The following SEPTIN10 variants were observed in gnomAD, a reference collection of about 807,000 sequenced individuals.
The protein encoded by SEPTIN10 is septin 10, also known as septin-10.
SEPTIN10 carries 66 observed loss-of-function variants against 54.8 expected under a neutral mutation model. The observed-to-expected ratio is 1.21, with a 90% CI of 0.99 to 1.48. SEPTIN10 has a LOEUF of 1.48. Among genes scored for constraint, SEPTIN10 ranks in the 40% most tolerant of loss-of-function variants. SEPTIN10 has a pLI of 0.00. For missense variants in SEPTIN10, 620 were observed against 545.6 expected, an observed-to-expected ratio of 1.14 and a Z score of -1.36; for synonymous variants, 161 against 181.0, an observed-to-expected ratio of 0.89 and a Z score of 0.89.
chr2:109,588,952 AAGAAGAAAATGAAAGGACAATGGCAC>A (rs1190316203), intron 2 of SEPTIN10, among the ~76,000 whole-genome samples: 5 of 152,248 alleles, frequency 3.3e-5, no homozygotes, highest in African/African-American at 1.2e-4. Flanking sequence ...GAAGGTAGGA[AAGAAGAAAATGAAAGGACAATGGCAC>A]ATATAGAAAA....
chr2:109,563,703 CAATCT>C (rs1686232756), intron 8 of SEPTIN10, among the ~76,000 whole-genome samples: 1 of 152,190 alleles, frequency 6.6e-6, no homozygotes, highest in African/African-American at 2.4e-5. Context: ...TGGCAAGAAA[CAATCT>C]AATCTCCAAC....
At chr2:109,580,582 C>T (rs943215548) in intron 4 of SEPTIN10, among the ~76,000 whole-genome samples, 3 of 152,034 alleles carry the variant, frequency 2.0e-5, no homozygotes, top group African/African-American at 7.2e-5. Context: ...GACTATCCTA[C>T]AAAATACTGC....
rs149638787 is a variant in SEPTIN10, at chr2:109,580,504, C to T, written c.413+4622G>A. ...AAACCACAACAAAGCAAGCATGGTA[C>T]ATGGTAAAAAATAAAGCTTTCTCTT... On this transcript the variant is annotated intron_variant, in intron 4 of 10. Coordinates refer to ENST00000397712, the MANE Select transcript of SEPTIN10 (RefSeq NM_144710.5). Among the ~76,000 whole-genome samples, 1,078 of 152,100 alleles carry T rather than the reference C, an allele frequency of 7.1e-3. 12 individuals carry two copies. Among genetic ancestry groups the T allele is most frequent in the African/African-American group, 0.024 (1,002 of 41,528 alleles).
At chr2:109,588,513 AGATG>A (rs1693128979) in intron 2 of SEPTIN10, among the ~76,000 whole-genome samples, 1 of 152,100 alleles carries the variant, frequency 6.6e-6, no homozygotes, top group African/African-American at 2.4e-5. Flanking sequence ...TTTTTTTTTA[AGATG>A]GAGTTTTGCT....
chr2:109,561,145 G>A (rs559092518), intron 8 of SEPTIN10, among the ~76,000 whole-genome samples: 113 of 152,132 alleles, frequency 7.4e-4, no homozygotes, highest in African/African-American at 2.6e-3. Flanking sequence ...CTCATCTCAC[G>A]TGAGCCCAGG....
chr2:109,592,035 C>T (rs952314207), intron 2 of SEPTIN10, among the ~76,000 whole-genome samples: 10 of 152,072 alleles, frequency 6.6e-5, no homozygotes, highest in African/African-American at 2.4e-4. Flanking sequence ...ATTACCAAAC[C>T]CCTCCCCACA....
At chr2:109,612,353 T>G (rs909217259) in intron 1 of SEPTIN10, among the ~76,000 whole-genome samples, 11 of 152,280 alleles carry the variant, frequency 7.2e-5, no homozygotes, top group African/African-American at 2.6e-4. Context: ...CATTAAGGGA[T>G]CCTCCTGGTC....
At chr2:109,578,565 G>A (rs1028335831) in intron 4 of SEPTIN10, among the ~76,000 whole-genome samples, 1 of 151,968 alleles carries the variant, frequency 6.6e-6, no homozygotes. Flanking sequence ...TCAGGAGTTC[G>A]AGGCCAGTCT....
chr2:109,609,692 C>A (rs769906179), intron 1 of SEPTIN10, among the ~76,000 whole-genome samples: 3 of 151,414 alleles, frequency 2.0e-5, no homozygotes, highest in African/African-American at 7.3e-5. Context: ...AAATGAGAAG[C>A]CTCTTAGATA....
intron 2 of SEPTIN10, among the ~76,000 whole-genome samples, chr2:109,591,212 T>C (rs1284577983): frequency 6.6e-6 from 1 of 152,226 alleles, no homozygotes; most frequent in Non-Finnish European, 1.5e-5. Flanking sequence ...TGGTAAGAAC[T>C]TCATAACTTG....
At chr2:109,576,367 G>A (rs1689683895) in intron 4 of SEPTIN10, among the ~76,000 whole-genome samples, 1 of 151,902 alleles carries the variant, frequency 6.6e-6, no homozygotes, top group Admixed American at 6.6e-5. Context: ...CCAAAGCGCT[G>A]GGATGACAGG....
intron 1 of SEPTIN10, among the ~76,000 whole-genome samples, chr2:109,606,672 C>CTTTTTTTTTTTTTTTTTTTTTT (rs34414105): frequency 1.4e-5 from 1 of 71,896 alleles, no homozygotes. Context: ...AAATTTTAAG[C>CTTTTTTTTTTTTTTTTTTTTTT]TTTTTTTTTT....
chr2:109,604,341 G>A (rs1224319528), intron 1 of SEPTIN10, among the ~76,000 whole-genome samples: 3 of 106,560 alleles, frequency 2.8e-5, no homozygotes, highest in Non-Finnish European at 5.2e-5. Context: ...GGACCCCATA[G>A]AAAGAAAGAA....
chr2:109,548,075 G>A (rs898210435), intron 9 of SEPTIN10, among the ~76,000 whole-genome samples: 1 of 152,038 alleles, frequency 6.6e-6, no homozygotes, highest in Non-Finnish European at 1.5e-5. Context: ...AACTAGTAAT[G>A]AGAGGAAATA....
chr2:109,607,875 G>A (rs1698361164), intron 1 of SEPTIN10, among the ~76,000 whole-genome samples: 1 of 152,072 alleles, frequency 6.6e-6, no homozygotes, highest in Non-Finnish European at 1.5e-5. Flanking sequence ...TTGTCTGGAG[G>A]TATCTATACT....
chr2:109,555,425 G>C (rs1277261631), intron 8 of SEPTIN10, among the ~76,000 whole-genome samples: 1 of 152,016 alleles, frequency 6.6e-6, no homozygotes, highest in Non-Finnish European at 1.5e-5. Flanking sequence ...TACCCCTCAA[G>C]GGCAAATTCA....
chr2:109,584,367 C>T (rs1471301949), intron 4 of SEPTIN10, among the ~76,000 whole-genome samples: 4 of 145,760 alleles, frequency 2.7e-5, no homozygotes, highest in East Asian at 2.1e-4. Flanking sequence ...CCTAGCTACT[C>T]GGGAGGCTGA....
intron 4 of SEPTIN10, among the ~76,000 whole-genome samples, chr2:109,577,587 A>C (rs1378019506): frequency 6.9e-6 from 1 of 144,460 alleles, no homozygotes; most frequent in Non-Finnish European, 1.5e-5. Flanking sequence ...GTGAGACTCC[A>C]CCTCAAAATT....
At chr2:109,593,950 C>T (rs139523290) in intron 1 of SEPTIN10, among the ~76,000 whole-genome samples, 5 of 152,302 alleles carry the variant, frequency 3.3e-5, no homozygotes, top group African/African-American at 1.2e-4. Context: ...CCTTACAATA[C>T]ATCTGAGCTA....
Sources: allele counts gnomAD v4.1 joint callset (sites outside exome capture counted in the v4.1 genomes callset), GRCh38; gene constraint gnomAD v4.1.1; transcripts MANE v1.5; gene names NCBI Gene and HGNC (gene_info 2026-07-23, HGNC 2026-07-21).